The following KSR2 variants were observed in gnomAD, a reference collection of about 807,000 sequenced individuals.
KSR2 encodes the protein kinase suppressor of ras 2.
A neutral mutation model predicts 107.8 loss-of-function variants in KSR2; 25 were observed. The observed-to-expected ratio is 0.23, with a 90% CI of 0.17 to 0.32. The LOEUF (loss-of-function observed/expected upper bound fraction) is 0.32. Ranked by LOEUF, KSR2 falls within the 10% of genes least tolerant of loss-of-function variation. The pLI is 1.00. For missense variants in KSR2, 887 were observed against 1,268.9 expected (o/e 0.70, Z 4.57); for synonymous variants, 480 against 507.0 (o/e 0.95, Z 0.71).
chr12:117,792,278 A>T (rs1890278472), intron 3 of KSR2, among the ~76,000 whole-genome samples: 1 of 151,940 alleles, frequency 6.6e-6, no homozygotes. Flanking sequence ...TAAGCCCGGG[A>T]GGTCGAGGCT....
At chr12:117,875,864 A>T (rs371445803) in intron 1 of KSR2, among the ~76,000 whole-genome samples, 1 of 151,476 alleles carries the variant, frequency 6.6e-6, no homozygotes, top group Non-Finnish European at 1.5e-5. Flanking sequence ...CCTCCCCCCC[A>T]CCACCACCAC....
At chr12:117,782,359 G>A (rs767264887) in intron 3 of KSR2, among the ~76,000 whole-genome samples, 62 of 152,158 alleles carry the variant, frequency 4.1e-4, no homozygotes, top group South Asian at 8.3e-4. Context: ...AACCTTGTAG[G>A]CTCAACCGAT....
chr12:117,917,094 T>C (rs1895200427), intron 1 of KSR2, among the ~76,000 whole-genome samples: 1 of 152,134 alleles, frequency 6.6e-6, no homozygotes, highest in South Asian at 2.1e-4. Flanking sequence ...TAGCACACCA[T>C]CCTCCCCAAA....
intron 1 of KSR2, among the ~76,000 whole-genome samples, chr12:117,960,584 G>A (rs756117764): frequency 5.9e-5 from 9 of 152,120 alleles, no homozygotes; most frequent in Non-Finnish European, 1.2e-4. Flanking sequence ...CCACAGTTGA[G>A]CCATCAGATA....
chr12:117,824,512 A>G (rs993559483), intron 3 of KSR2, among the ~76,000 whole-genome samples: 1 of 152,204 alleles, frequency 6.6e-6, no homozygotes, highest in Non-Finnish European at 1.5e-5. Flanking sequence ...AAATTGTCAC[A>G]TGTACCCTGA....
At chr12:117,590,468 A>C (rs1164955858) in intron 5 of KSR2, among the ~76,000 whole-genome samples, 2 of 152,166 alleles carry the variant, frequency 1.3e-5, no homozygotes, top group African/African-American at 4.8e-5. Context: ...TGGTCATTGT[A>C]TCTCCCTCAT....
At chr12:117,806,471 G>A (rs540717548) in intron 3 of KSR2, among the ~76,000 whole-genome samples, 1 of 152,210 alleles carries the variant, frequency 6.6e-6, no homozygotes, top group East Asian at 1.9e-4. Flanking sequence ...TCTCTAAGTC[G>A]GCAGAAGCAG....
At chr12:117,527,911 G>C (rs1405074586) in intron 12 of KSR2, among the ~76,000 whole-genome samples, 4 of 151,284 alleles carry the variant, frequency 2.6e-5, no homozygotes, top group African/African-American at 4.9e-5. Context: ...AGGATGTGTG[G>C]AATGAAAATA....
At chr12:117,558,613 G>A (rs530934724) in intron 7 of KSR2, 40 bp from the exon 8 acceptor site, 2 of 1,526,326 alleles carry the variant, frequency 1.3e-6, no homozygotes, top group East Asian at 2.2e-5. Context: ...ATAGGTGAAT[G>A]GCTGAGTGAG....
intron 1 of KSR2, among the ~76,000 whole-genome samples, chr12:117,876,307 G>A (rs185528483): frequency 1.3e-5 from 2 of 152,346 alleles, no homozygotes; most frequent in East Asian, 3.9e-4. Context: ...CCTGCTGAGG[G>A]AGGGCTGGAG....
chr12:117,579,798 A>G lies in KSR2; in HGVS notation c.1242-596T>C, dbSNP rs146783097. Among the ~76,000 whole-genome samples, 1,404 of 152,282 alleles carry G rather than the reference A, an allele frequency of 9.2e-3. 10 individuals carry two copies. The highest frequency in any genetic ancestry group is 0.015 in the Non-Finnish European group (1,004 of 68,004). ...CTTGAAAGTGAAAGCCATTCAGACC[A>G]TCAGCTCACCTCGCTCTCCAACCCC... On this transcript the variant is annotated intron_variant, in intron 6 of 19. Coordinates refer to ENST00000339824, the MANE Select transcript of KSR2 (RefSeq NM_173598.6).
intron 1 of KSR2, among the ~76,000 whole-genome samples, chr12:117,962,697 A>G (rs935166681): frequency 2.0e-5 from 3 of 147,674 alleles, no homozygotes; most frequent in African/African-American, 7.5e-5. Context: ...CACTCACCTC[A>G]GCCTCCCAAA....
At chr12:117,726,955 T>G (rs775080334) in intron 4 of KSR2, among the ~76,000 whole-genome samples, 10 of 152,148 alleles carry the variant, frequency 6.6e-5, no homozygotes, top group Non-Finnish European at 1.2e-4. Flanking sequence ...CCAAAAAATG[T>G]ACGTTGAAGT....
intron 5 of KSR2, among the ~76,000 whole-genome samples, chr12:117,600,708 G>C (rs1446772400): frequency 6.6e-6 from 1 of 152,188 alleles, no homozygotes; most frequent in Non-Finnish European, 1.5e-5. Flanking sequence ...AGGCTGAAAG[G>C]TGTTTTCATG....
At chr12:117,662,505 T>C (rs1213890392) in intron 5 of KSR2, among the ~76,000 whole-genome samples, 1 of 152,134 alleles carries the variant, frequency 6.6e-6, no homozygotes, top group African/African-American at 2.4e-5. Flanking sequence ...GGCCAGGCTA[T>C]CAAAAGAGGG....
rs1888997752 is a variant in KSR2 at position 117,761,180 on chromosome 12, G to A, written c.817C>T (p.Pro273Ser). The change falls in exon 4 of 20, where the codon CCG becomes TCG. Residue 273 changes from proline (P) to serine (S), a missense_variant. Physicochemically the swap from Pro to Ser is moderately conservative, Grantham distance 74. This residue lies in a region of KSR2 where 399 missense variants were observed against 479.5 expected (regional missense o/e 0.83). Transcript: ENST00000339824. ...TTCCTCATGGGCGGCGTGCCCGGCG[G>A]GGTCACGGTGGTGACGATGTTGGGG... ...RTPNIVTTVT[P>S]PGTPPMRKKN... 1 of 1,597,170 alleles carries A rather than the reference G, an allele frequency of 6.3e-7. No individual in the cohort carries two copies.
At chr12:117,761,634 A>T in intron 3 of KSR2, 110 bp from the exon 4 acceptor site, 1 of 1,001,572 alleles carries the variant, frequency 1.0e-6, no homozygotes, top group Non-Finnish European at 1.5e-6. Context: ...TGCCCATTAC[A>T]TCATGTGCAT....
At chr12:117,750,535 C>T (rs1410176226) in intron 4 of KSR2, among the ~76,000 whole-genome samples, 1 of 152,052 alleles carries the variant, frequency 6.6e-6, no homozygotes, top group Non-Finnish European at 1.5e-5. Flanking sequence ...TCAGGAGGTA[C>T]ACGTGCAGGT....
chr12:117,926,335 T>A (rs1368853172), intron 1 of KSR2, among the ~76,000 whole-genome samples: 5 of 152,238 alleles, frequency 3.3e-5, no homozygotes, highest in Admixed American at 6.5e-5. Context: ...GAAGTCCTGA[T>A]AACGTGTTCA....
Sources: allele counts gnomAD v4.1 joint callset (sites outside exome capture counted in the v4.1 genomes callset), GRCh38; gene constraint gnomAD v4.1.1; regional missense constraint gnomAD v4.1.1; transcripts MANE v1.5; gene names NCBI Gene and HGNC (gene_info 2026-07-23, HGNC 2026-07-21).